TRIM9: variants seen among roughly 807,000 people sequenced by gnomAD.
TRIM9 encodes the protein tripartite motif containing 9, also known as E3 ubiquitin-protein ligase TRIM9.
Under a neutral mutation model 78.3 loss-of-function variants are expected in TRIM9, and 26 were observed. The observed-to-expected ratio is 0.33, with a 90% CI of 0.24 to 0.46. The LOEUF is 0.46. TRIM9 is among the 20% of genes least tolerant of loss of function. The pLI, the probability that TRIM9 is intolerant of heterozygous loss-of-function variation, is 1.00. For missense variants in TRIM9, 787 were observed against 1,036.4 expected (o/e 0.76, Z 3.30); for synonymous variants, 398 against 416.5 (o/e 0.96, Z 0.54).
intron 1 of TRIM9, among the ~76,000 whole-genome samples, chr14:51,068,722 GTAGAAT>G (rs1411641434): frequency 6.6e-6 from 1 of 152,182 alleles, no homozygotes; most frequent in Non-Finnish European, 1.5e-5. Flanking sequence ...GTAAAGTTAT[GTAGAAT>G]TAGAAGAGGA....
chr14:51,085,286 T>G (rs542838494), intron 1 of TRIM9, among the ~76,000 whole-genome samples: 1 of 152,354 alleles, frequency 6.6e-6, no homozygotes, highest in East Asian at 1.9e-4. Flanking sequence ...ACCATCTACA[T>G]GTACTCCTGA....
At chr14:50,987,635 A>G (rs958206816) in intron 7 of TRIM9, among the ~76,000 whole-genome samples, 1 of 152,324 alleles carries the variant, frequency 6.6e-6, no homozygotes, top group South Asian at 2.1e-4. Flanking sequence ...TAAATCAAAA[A>G]TTATTTGTTA....
At chr14:50,996,617 C>A (rs2054239229) in intron 7 of TRIM9, 1 of 985,438 alleles carries the variant, frequency 1.0e-6, no homozygotes, top group South Asian at 4.7e-5. Context: ...GGAAATGAGG[C>A]CATCACCAGC....
chr14:51,011,339 C>A (rs1335860203), intron 3 of TRIM9, among the ~76,000 whole-genome samples: 1 of 152,146 alleles, frequency 6.6e-6, no homozygotes, highest in African/African-American at 2.4e-5. Context: ...TGCTCAGTAA[C>A]CCAAATCTTG....
At chr14:51,030,996 A>C (rs2058676500) in intron 1 of TRIM9, among the ~76,000 whole-genome samples, 1 of 151,920 alleles carries the variant, frequency 6.6e-6, no homozygotes, top group Non-Finnish European at 1.5e-5. Flanking sequence ...AAAATACAAA[A>C]AGTTAGCCAG....
In TRIM9 at chr14:51,022,868, G is replaced by T. The variant is rs1474169518; in HGVS notation, c.1008C>A (p.Ala336=). ...TGTGCTCATGCTCCTTGTTGACGCG[G>T]GCCAGCAGCTGGGCTTTTCTTCTGT... ...ALNRRKAQLL[A]RVNKEHEHKL... The change falls in exon 3 of 13, where the codon GCC becomes GCA. Residue 336 remains alanine (A), a synonymous_variant. Coordinates refer to ENST00000684578, the MANE Select transcript of TRIM9 (RefSeq NM_001387360.1). 6.2e-7 allele frequency: 1 copy of T among 1,614,050 alleles called. No homozygotes were observed. The highest frequency in any genetic ancestry group is 8.5e-7 in the Non-Finnish European group (1 of 1,180,042).
chr14:51,067,093 C>T (rs1241751959), intron 1 of TRIM9, among the ~76,000 whole-genome samples: 1 of 152,160 alleles, frequency 6.6e-6, no homozygotes, highest in Non-Finnish European at 1.5e-5. Context: ...CCATCTTCAC[C>T]TGTATGTCTA....
chr14:51,060,058 G>C (rs1471956920), intron 1 of TRIM9, among the ~76,000 whole-genome samples: 2 of 152,166 alleles, frequency 1.3e-5, no homozygotes, highest in Non-Finnish European at 2.9e-5. Flanking sequence ...ACCAAACTGG[G>C]AGTCACAGAT....
At chr14:51,077,478 T>G (rs1169509296) in intron 1 of TRIM9, among the ~76,000 whole-genome samples, 1 of 145,200 alleles carries the variant, frequency 6.9e-6, no homozygotes, top group African/African-American at 2.6e-5. Context: ...CTGCAACCTC[T>G]GCCTCCTGGG....
chr14:51,050,824 A>G (rs2060354996), intron 1 of TRIM9, among the ~76,000 whole-genome samples: 1 of 150,154 alleles, frequency 6.7e-6, no homozygotes, highest in African/African-American at 2.5e-5. Flanking sequence ...TCCCCATTGG[A>G]TCTCAGCCAG....
chr14:50,977,448 T>C (rs931129177), intron 12 of TRIM9, 95 bp from the exon 13 acceptor site: 25 of 953,352 alleles, frequency 2.6e-5, no homozygotes, highest in Non-Finnish European at 3.5e-5. Context: ...CAAAAAGTGT[T>C]CTGTTTGCTT....
chr14:50,980,394 C>G (rs753687782), intron 11 of TRIM9, among the ~76,000 whole-genome samples: 1 of 152,176 alleles, frequency 6.6e-6, no homozygotes, highest in Non-Finnish European at 1.5e-5. Flanking sequence ...CAATATTGAA[C>G]TTCGTCCTCA....
chr14:51,060,737 G>T (rs768244337), intron 1 of TRIM9, among the ~76,000 whole-genome samples: 148 of 152,240 alleles, frequency 9.7e-4, no homozygotes, highest in Non-Finnish European at 1.3e-3. Context: ...AAAGTGCTGG[G>T]ATTGCAGGCG....
At chr14:50,977,390 G>T in intron 12 of TRIM9, 37 bp from the exon 13 acceptor site, 1 of 1,466,084 alleles carries the variant, frequency 6.8e-7, no homozygotes, top group East Asian at 2.6e-5. Flanking sequence ...GAGGCATCGT[G>T]CATCCCCCTG....
At chr14:51,003,177 T>C (rs58263610) in intron 5 of TRIM9, among the ~76,000 whole-genome samples, 3,849 of 152,332 alleles carry the variant, frequency 0.025, 160 homozygotes, top group African/African-American at 0.089. Context: ...GACTTTCCTT[T>C]TTATTTTAAA....
chr14:51,002,843 T>C (rs866441393), intron 5 of TRIM9, among the ~76,000 whole-genome samples: 4 of 152,144 alleles, frequency 2.6e-5, no homozygotes, highest in Admixed American at 6.5e-5. Flanking sequence ...AAATCAAACA[T>C]AGCTAAATCA....
chr14:51,081,510 A>G lies in TRIM9; in HGVS notation c.822+12608T>C, dbSNP rs866788187. Among the ~76,000 whole-genome samples, 4 of 152,176 alleles carry G rather than the reference A, an allele frequency of 2.6e-5. 1 individual carries two copies. In the South Asian group the frequency reaches 8.3e-4, roughly 32 times the overall value. On this transcript the variant is annotated intron_variant, in intron 1 of 12. Transcript: ENST00000684578. Reference sequence around the variant, plus strand: ...CCACTCCTAGGTATGTACTTCAGTGACTCCAATTTACCGACATCCCTAGGC... The same window carrying G: ...CCACTCCTAGGTATGTACTTCAGTGGCTCCAATTTACCGACATCCCTAGGC...
Position 51,050,437 on chromosome 14 carries a change from A to G in TRIM9, c.823-25077T>C, listed in dbSNP as rs982312881. On this transcript the variant is annotated intron_variant, in intron 1 of 12. Transcript: ENST00000684578. ...TAAGACATGCCTTTCGCCTTCCACC[A>G]TGATTGTGAGGCCTCCCCAGCCACG... Among the ~76,000 whole-genome samples the G allele has an allele frequency of 3.9e-5, 6 of 152,162 alleles. No homozygotes were observed. The East Asian group carries it at 9.6e-4, about 24-fold the overall frequency.
At chr14:50,983,273 A>G (rs2052222634) in intron 9 of TRIM9, 107 bp downstream of exon 9, 4 of 960,470 alleles carry the variant, frequency 4.2e-6, no homozygotes, top group African/African-American at 1.6e-5. Flanking sequence ...TAGAATGACA[A>G]TTAGACAATT....
Sources: gnomAD v4.1 joint callset for allele counts (sites outside exome capture counted in the v4.1 genomes callset) on GRCh38, gnomAD v4.1.1 for gene constraint, MANE v1.5 for transcripts, NCBI Gene and HGNC (gene_info 2026-07-23, HGNC 2026-07-21) for gene names.